SPECC1: variants seen among roughly 807,000 people sequenced by gnomAD.
SPECC1 encodes the protein cytospin-B.
A neutral mutation model predicts 104.1 loss-of-function variants in SPECC1; 62 were observed. That is an observed-to-expected ratio of 0.60 (90% confidence interval 0.49 to 0.74). The LOEUF (loss-of-function observed/expected upper bound fraction) is 0.74. Among genes scored for constraint, SPECC1 ranks in the 30% least tolerant of loss-of-function variants. SPECC1 has a pLI of 0.00. For missense variants in SPECC1, 1,306 were observed against 1,310.5 expected (o/e 1.00, Z 0.05); for synonymous variants, 513 against 501.6 (o/e 1.02, Z -0.30).
At chr17:20,279,363 C>T (rs1188684420) in intron 12 of SPECC1, among the ~76,000 whole-genome samples, 1 of 140,798 alleles carries the variant, frequency 7.1e-6, no homozygotes, top group Non-Finnish European at 1.5e-5. Context: ...TCCCTTGTTG[C>T]CCAGGCTGGA....
chr17:20,184,015 A>G (rs570064335), intron 3 of SPECC1, among the ~76,000 whole-genome samples: 1 of 151,806 alleles, frequency 6.6e-6, no homozygotes, highest in Non-Finnish European at 1.5e-5. Flanking sequence ...TACTTAAAAA[A>G]AAAAAAAGAC....
chr17:20,215,177 C>G (rs2037409074), intron 4 of SPECC1, among the ~76,000 whole-genome samples: 1 of 152,170 alleles, frequency 6.6e-6, no homozygotes, highest in Admixed American at 6.5e-5. Flanking sequence ...CCTTTAGAAG[C>G]TGTAGAAATA....
At chr17:20,230,781 G>C (rs2038524703) in intron 5 of SPECC1, among the ~76,000 whole-genome samples, 1 of 152,174 alleles carries the variant, frequency 6.6e-6, no homozygotes, top group African/African-American at 2.4e-5. Context: ...CATAAATCCA[G>C]CCTAGACCAA....
chr17:20,152,256 C>T (rs1335923325), intron 3 of SPECC1, among the ~76,000 whole-genome samples: 4 of 152,112 alleles, frequency 2.6e-5, no homozygotes, highest in African/African-American at 7.2e-5. Flanking sequence ...GCTGAGATCA[C>T]GCTATTGCAC....
At chr17:20,047,038 G>A (rs1335897913) in intron 1 of SPECC1, among the ~76,000 whole-genome samples, 1 of 152,118 alleles carries the variant, frequency 6.6e-6, no homozygotes, top group Admixed American at 6.5e-5. Flanking sequence ...TGGTAGATGG[G>A]ACCAGACTGA....
chr17:20,303,975 A>G (rs892669110), intron 13 of SPECC1, among the ~76,000 whole-genome samples: 2 of 149,430 alleles, frequency 1.3e-5, no homozygotes, highest in East Asian at 4.0e-4. Context: ...AAGAAATTCT[A>G]CTGAGGAACA....
chr17:20,226,880 G>A (rs982648664), intron 4 of SPECC1, among the ~76,000 whole-genome samples: 2 of 152,108 alleles, frequency 1.3e-5, no homozygotes, highest in African/African-American at 4.8e-5. Flanking sequence ...GGGAACCTGG[G>A]GGTGTGCAGA....
intron 3 of SPECC1, among the ~76,000 whole-genome samples, chr17:20,175,503 A>C (rs2034412937): frequency 6.6e-6 from 1 of 152,130 alleles, no homozygotes; most frequent in South Asian, 2.1e-4. Context: ...TAAAACTTCT[A>C]TTCATTTCAG....
At chr17:20,260,420 C>T (rs958056202) in intron 12 of SPECC1, 126 bp downstream of exon 12, 14 of 746,260 alleles carry the variant, frequency 1.9e-5, no homozygotes, top group Non-Finnish European at 2.9e-5. Context: ...TTCTATTCTC[C>T]TAGGCAGGGC....
intron 3 of SPECC1, among the ~76,000 whole-genome samples, chr17:20,162,818 G>A (rs1025831404): frequency 7.2e-5 from 11 of 152,152 alleles, no homozygotes; most frequent in African/African-American, 2.4e-4. Context: ...ACCCGAAGTT[G>A]GGAGTTCGAG....
chr17:20,229,464 A>G (rs1314277717), intron 5 of SPECC1, among the ~76,000 whole-genome samples: 6 of 152,192 alleles, frequency 3.9e-5, no homozygotes, highest in Non-Finnish European at 7.4e-5. Context: ...CAGGAGTTCG[A>G]GACCAGCCTG....
At chr17:20,116,763 C>A (rs1397780957) in intron 3 of SPECC1, among the ~76,000 whole-genome samples, 2 of 148,520 alleles carry the variant, frequency 1.3e-5, no homozygotes, top group Non-Finnish European at 3.0e-5. Context: ...GATTTTGTCC[C>A]CCAGTTCCAA....
At chr17:20,128,822 A>T (rs1202399349) in intron 3 of SPECC1, among the ~76,000 whole-genome samples, 1 of 152,094 alleles carries the variant, frequency 6.6e-6, no homozygotes, top group Admixed American at 6.5e-5. Flanking sequence ...TTTTAAAATA[A>T]TTTTTCTTCA....
intron 12 of SPECC1, among the ~76,000 whole-genome samples, chr17:20,283,546 A>G (rs1163572431): frequency 6.6e-6 from 1 of 152,114 alleles, no homozygotes; most frequent in African/African-American, 2.4e-5. Context: ...TTTCCTCTTC[A>G]GTACATTACA....
intron 1 of SPECC1, among the ~76,000 whole-genome samples, chr17:20,031,163 T>A (rs1242441529): frequency 6.6e-6 from 1 of 152,040 alleles, no homozygotes; most frequent in Non-Finnish European, 1.5e-5. Flanking sequence ...CCTGGCTAAT[T>A]TTTGTATTTT....
rs2042070489 is a variant in SPECC1 at position 20,318,821 on chromosome 17, C to CT, written c.*4757dup. 1.9e-5 allele frequency: 4 copies of CT among 209,692 alleles called. No individual in the cohort carries two copies. 13.0% of individuals were successfully genotyped at this position (209,692 alleles called of 1,614,324 possible). On this transcript the variant is annotated 3_prime_UTR_variant, in exon 15 of 15. Transcript: ENST00000395527. Reference sequence around the variant, plus strand: ...AATCTGTAGCATCCTGAATAGCACACTAATTTTTTTTTTTAGCACACTAAC... The same window carrying CT: ...AATCTGTAGCATCCTGAATAGCACACTTAATTTTTTTTTTTAGCACACTAAC...
intron 1 of SPECC1, among the ~76,000 whole-genome samples, chr17:20,067,662 AT>A (rs2046404963): frequency 6.6e-6 from 1 of 152,090 alleles, no homozygotes; most frequent in South Asian, 2.1e-4. Flanking sequence ...TATTTATAAT[AT>A]TTTTAACATT....
At chr17:20,257,727 C>A in intron 11 of SPECC1, 120 bp downstream of exon 11, 1 of 1,319,320 alleles carries the variant, frequency 7.6e-7, no homozygotes, top group Non-Finnish European at 1.0e-6. Flanking sequence ...ATGAAAATGA[C>A]TAAGACACTG....
intron 1 of SPECC1, among the ~76,000 whole-genome samples, chr17:20,042,347 G>C (rs1316029388): frequency 6.6e-6 from 1 of 152,114 alleles, no homozygotes; most frequent in African/African-American, 2.4e-5. Flanking sequence ...TGCTTTCACT[G>C]TCACCATGGG....
Sources: gnomAD v4.1 joint callset for allele counts (sites outside exome capture counted in the v4.1 genomes callset) on GRCh38, gnomAD v4.1.1 for gene constraint, MANE v1.5 for transcripts, NCBI Gene and HGNC (gene_info 2026-07-23, HGNC 2026-07-21) for gene names.